The following ADGRL2 variants were observed in gnomAD, a reference collection of about 807,000 sequenced individuals.
ADGRL2 encodes adhesion G protein-coupled receptor L2, also known as calcium-independent alpha-latrotoxin receptor 2.
Under a neutral mutation model 157.4 loss-of-function variants are expected in ADGRL2, and 44 were observed. The observed-to-expected ratio is 0.28, with a 90% confidence interval of 0.22 to 0.36. The LOEUF is 0.36. ADGRL2 is among the 10% of genes least tolerant of loss of function. The probability of loss-of-function intolerance (pLI) is 1.00; values close to 1 mark genes in which losing one functional copy is unlikely to be tolerated. For synonymous variants in ADGRL2, 585 were observed against 624.7 expected, an observed-to-expected ratio of 0.94 and a Z score of 0.95; for missense variants, 1,510 against 1,768.9, an observed-to-expected ratio of 0.85 and a Z score of 2.63.
chr1:81,886,651 A>G (rs2094135479), intron 2 of ADGRL2, among the ~76,000 whole-genome samples: 1 of 152,208 alleles, frequency 6.6e-6, no homozygotes, highest in African/African-American at 2.4e-5. Context: ...GATGTAACTC[A>G]GTTGACTACT....
intron 1 of ADGRL2, among the ~76,000 whole-genome samples, chr1:81,340,622 G>A (rs187686337): frequency 2.0e-3 from 312 of 152,196 alleles, no homozygotes; most frequent in African/African-American, 7.2e-3. Flanking sequence ...AGAAAGAAGA[G>A]GCAGTTTGGC....
intron 2 of ADGRL2, among the ~76,000 whole-genome samples, chr1:81,844,253 A>G (rs190441340): frequency 1.4e-4 from 21 of 152,338 alleles, no homozygotes; most frequent in African/African-American, 4.6e-4. Flanking sequence ...GAAAGAACCA[A>G]TAGTGTATTA....
intron 2 of ADGRL2, chr1:81,501,799 G>A (rs566375113): frequency 1.9e-5 from 31 of 1,605,632 alleles, no homozygotes; most frequent in Non-Finnish European, 2.5e-5. Context: ...AGCAGCAGCA[G>A]CAGCAGCAGC....
intron 3 of ADGRL2, among the ~76,000 whole-genome samples, chr1:81,926,063 G>T (rs187447311): frequency 7.9e-5 from 12 of 152,026 alleles, no homozygotes; most frequent in African/African-American, 2.2e-4. Context: ...CTCTGAGCGG[G>T]TAATTAACAG....
At chr1:81,596,750 A>G (rs759758663) in intron 3 of ADGRL2, among the ~76,000 whole-genome samples, 1 of 152,154 alleles carries the variant, frequency 6.6e-6, no homozygotes. Flanking sequence ...TTTTGGCACA[A>G]CGAATTTTTT....
At chr1:81,722,687 T>A in intron 1 of ADGRL2, 3 of 1,168,776 alleles carry the variant, frequency 2.6e-6, no homozygotes, top group Non-Finnish European at 3.8e-6. Context: ...GCACAGGAAA[T>A]TGCAGAAGAA....
At chr1:81,700,262 G>T (rs2083534668) in intron 1 of ADGRL2, among the ~76,000 whole-genome samples, 1 of 152,162 alleles carries the variant, frequency 6.6e-6, no homozygotes, top group Non-Finnish European at 1.5e-5. Context: ...GAAACCAAAG[G>T]AGATGGCTTT....
intron 2 of ADGRL2, among the ~76,000 whole-genome samples, chr1:81,501,443 A>C (rs2078844296): frequency 6.6e-6 from 1 of 152,196 alleles, no homozygotes; most frequent in African/African-American, 2.4e-5. Context: ...AGCTGCTGTG[A>C]CTTGAAATTC....
intron 1 of ADGRL2, among the ~76,000 whole-genome samples, chr1:81,358,849 A>G (rs1029060340): frequency 2.6e-5 from 4 of 152,154 alleles, no homozygotes; most frequent in East Asian, 1.9e-4. Context: ...CATCAGTTCT[A>G]TACAGAAGAA....
intron 3 of ADGRL2, among the ~76,000 whole-genome samples, chr1:81,613,410 G>T (rs2081581435): frequency 6.6e-6 from 1 of 152,184 alleles, no homozygotes; most frequent in African/African-American, 2.4e-5. Flanking sequence ...TGGGAAGGAG[G>T]TGAGGCCGTA....
chr1:81,534,027 C>T (rs574722197), intron 2 of ADGRL2, among the ~76,000 whole-genome samples: 2 of 152,296 alleles, frequency 1.3e-5, no homozygotes, highest in South Asian at 2.1e-4. Context: ...TCTAGACTAT[C>T]GTCAACCCAA....
chr1:81,350,286 C>A (rs1476774563), intron 1 of ADGRL2, among the ~76,000 whole-genome samples: 1 of 152,128 alleles, frequency 6.6e-6, no homozygotes, highest in Non-Finnish European at 1.5e-5. Context: ...TTCACTCTAC[C>A]TGAGAATGTT....
intron 3 of ADGRL2, among the ~76,000 whole-genome samples, chr1:81,588,598 A>C (rs2081072100): frequency 6.6e-6 from 1 of 152,104 alleles, no homozygotes; most frequent in Non-Finnish European, 1.5e-5. Flanking sequence ...GGATTGTCTG[A>C]AGGCATAAAC....
chr1:81,942,909 TTGTTTGCCTG>T (rs1178490422), intron 5 of ADGRL2, 50 bp from the exon 6 acceptor site: 8 of 1,257,400 alleles, frequency 6.4e-6, no homozygotes, highest in Non-Finnish European at 9.2e-6. Context: ...TCACTGAAAC[TTGTTTGCCTG>T]TGTAATTTTT....
At chr1:81,813,035 A>G (rs1391477) in intron 1 of ADGRL2, among the ~76,000 whole-genome samples, 150,942 of 151,790 alleles carry the variant, frequency 0.99, 75,059 homozygotes, top group Middle Eastern at 1. Context: ...GGTAAGCAGG[A>G]TGATAAGCTT....
At chr1:81,525,048 A>G (rs546791405) in intron 2 of ADGRL2, among the ~76,000 whole-genome samples, 4 of 152,314 alleles carry the variant, frequency 2.6e-5, no homozygotes, top group Non-Finnish European at 4.4e-5. Context: ...GACTTCTCAT[A>G]CTTTTTATAT....
At chr1:81,597,304 C>A (rs1422253835) in intron 3 of ADGRL2, among the ~76,000 whole-genome samples, 1 of 152,050 alleles carries the variant, frequency 6.6e-6, no homozygotes, top group Non-Finnish European at 1.5e-5. Context: ...CAGATATTTT[C>A]TCTTTTTAGC....
At chr1:81,656,268 G>T (rs12127481) in intron 3 of ADGRL2, among the ~76,000 whole-genome samples, 29,573 of 152,116 alleles carry the variant, frequency 0.19, 3,673 homozygotes, top group South Asian at 0.32. Context: ...CCTCTCAACA[G>T]TCCTGTGTAG....
chr1:81,648,252 C>G (rs1181760038), intron 3 of ADGRL2, among the ~76,000 whole-genome samples: 1 of 152,112 alleles, frequency 6.6e-6, no homozygotes, highest in Non-Finnish European at 1.5e-5. Context: ...TGTTTCATGC[C>G]AACACAGAGG....
Sources: allele counts gnomAD v4.1 joint callset (sites outside exome capture counted in the v4.1 genomes callset), GRCh38; gene constraint gnomAD v4.1.1; transcripts MANE v1.5; gene names NCBI Gene and HGNC (gene_info 2026-07-23, HGNC 2026-07-21).